CACNA2D3: variants seen among roughly 807,000 people sequenced by gnomAD.
CACNA2D3 encodes calcium voltage-gated channel auxiliary subunit alpha2delta 3, also known as voltage-dependent calcium channel subunit alpha-2/delta-3.
In CACNA2D3, 60 loss-of-function variants were observed where a neutral mutation model predicts 160.6. The observed-to-expected ratio is 0.37, with a 90% confidence interval of 0.30 to 0.46. The LOEUF is 0.46. Among genes scored for constraint, CACNA2D3 ranks in the 20% least tolerant of loss-of-function variants. CACNA2D3 has a pLI of 1.00. For missense variants in CACNA2D3, 1,205 were observed against 1,365.0 expected (o/e 0.88, Z 1.85); for synonymous variants, 558 against 492.9 (o/e 1.13, Z -1.75).
intron 11 of CACNA2D3, among the ~76,000 whole-genome samples, chr3:54,673,888 G>A (rs1700198501): frequency 6.6e-6 from 1 of 152,152 alleles, no homozygotes; most frequent in Admixed American, 6.6e-5. Flanking sequence ...CTGGAATCCA[G>A]CTGCCCCTTC....
At chr3:54,137,144 G>A (rs917513892) in intron 2 of CACNA2D3, among the ~76,000 whole-genome samples, 1 of 152,206 alleles carries the variant, frequency 6.6e-6, no homozygotes, top group Non-Finnish European at 1.5e-5. Context: ...CAGGTCTGAA[G>A]CATGGGCTGG....
intron 11 of CACNA2D3, among the ~76,000 whole-genome samples, chr3:54,695,633 T>C (rs1048836886): frequency 6.6e-6 from 1 of 152,200 alleles, no homozygotes; most frequent in Non-Finnish European, 1.5e-5. Context: ...TTAGCCAACA[T>C]GATAACAGAA....
At position 54,652,140 on chromosome 3, in the gene CACNA2D3, A is replaced by AG. The variant is rs374815703; in HGVS notation, c.1167+9900dup. Among the ~76,000 whole-genome samples, 702 of 151,826 alleles carry AG rather than the reference A, an allele frequency of 4.6e-3. 1 individual carries two copies. Among genetic ancestry groups the AG allele is most frequent in the Middle Eastern group, 0.014 (4 of 292 alleles). ...AAAATAAATGCTCCACCCACCCCCTAGCCTCCACACGACCGTCACTCTGGC... is the reference window on the plus strand; with the variant it reads ...AAAATAAATGCTCCACCCACCCCCTAGGCCTCCACACGACCGTCACTCTGGC... On this transcript the variant is annotated intron_variant, in intron 11 of 37. Transcript: ENST00000474759.
chr3:54,366,994 C>T (rs1176918602), intron 3 of CACNA2D3, among the ~76,000 whole-genome samples: 1 of 152,190 alleles, frequency 6.6e-6, no homozygotes, highest in Non-Finnish European at 1.5e-5. Context: ...ACACATTTTG[C>T]ACATAAATGT....
intron 2 of CACNA2D3, among the ~76,000 whole-genome samples, chr3:54,268,362 T>G (rs1416348932): frequency 6.6e-6 from 1 of 152,184 alleles, no homozygotes; most frequent in Admixed American, 6.5e-5. Flanking sequence ...CCAATCTCAT[T>G]GTGCCTCACT....
chr3:54,891,397 C>A lies in CACNA2D3; in HGVS notation c.2193C>A (p.Arg731=), dbSNP rs966035712. 6.2e-7 allele frequency: 1 copy of A among 1,613,934 alleles called. No homozygotes were observed. The highest frequency in any genetic ancestry group is 8.5e-7 in the Non-Finnish European group (1 of 1,179,864). The change falls in exon 25 of 38, where the codon CGC becomes CGA. Residue 731 remains arginine (R), a synonymous_variant. Coordinates refer to ENST00000474759, the MANE Select transcript of CACNA2D3 (RefSeq NM_018398.3). The part of the protein sequence containing the change: ...KGVEVAFLGT[R]TGLSRINLFV... ...TGGAGGTTGCCTTCCTCGGCACTCG[C>A]ACGGGCCTCTCCAGAATCAACCTGT... is the stretch of plus-strand genomic sequence containing the variant.
In CACNA2D3 at chr3:54,484,649, G is replaced by T. The variant is rs568472866; in HGVS notation, c.382-18843G>T. 1.2e-4 allele frequency among the ~76,000 whole-genome samples: 18 copies of T among 152,250 alleles called. 1 individual carries two copies. Among genetic ancestry groups the T allele is most frequent in the Middle Eastern group, 3.4e-3 (1 of 294 alleles). ...AAATGGCAATAATAATCATGATAAT[G>T]AGGCCACATATTCTGTGTCTATCTT... On this transcript the variant is annotated intron_variant, in intron 4 of 37. Transcript: ENST00000474759.
rs145402534 is a variant in CACNA2D3 at position 54,973,060 on chromosome 3, A to T, written c.2556+3216A>T. ...CCTGCAGAGTAAACTGACATGCGGT[A>T]GTCAGCGAAGGCTTCTCTGAGGGGG... On this transcript the variant is annotated intron_variant, in intron 29 of 37. Transcript: ENST00000474759. 2.5e-3 allele frequency among the ~76,000 whole-genome samples: 386 copies of T among 152,248 alleles called. 1 individual carries two copies. Among genetic ancestry groups the T allele is most frequent in the Non-Finnish European group, 4.5e-3 (303 of 68,018 alleles).
chr3:54,505,453 A>G (rs1701354289), intron 5 of CACNA2D3, among the ~76,000 whole-genome samples: 1 of 152,176 alleles, frequency 6.6e-6, no homozygotes, highest in Admixed American at 6.5e-5. Flanking sequence ...GGACTGGGCC[A>G]TATCCTCTAC....
chr3:54,584,194 A>G (rs1702723655), intron 9 of CACNA2D3, among the ~76,000 whole-genome samples: 1 of 152,224 alleles, frequency 6.6e-6, no homozygotes, highest in Non-Finnish European at 1.5e-5. Flanking sequence ...AACTGGGAAA[A>G]TCACAACATG....
At chr3:54,375,968 G>A (rs116140325) in intron 3 of CACNA2D3, among the ~76,000 whole-genome samples, 1,559 of 152,284 alleles carry the variant, frequency 0.01, 27 homozygotes, top group African/African-American at 0.035. Context: ...TGTCATTAAA[G>A]CAAGTGGTCT....
At chr3:54,163,882 G>C (rs373591711) in intron 2 of CACNA2D3, among the ~76,000 whole-genome samples, 5 of 152,284 alleles carry the variant, frequency 3.3e-5, no homozygotes, top group Admixed American at 1.3e-4. Flanking sequence ...TTGCTACACA[G>C]ACCACATGGT....
chr3:54,922,134 G>T (rs546503341), intron 27 of CACNA2D3, among the ~76,000 whole-genome samples: 1 of 152,044 alleles, frequency 6.6e-6, no homozygotes, highest in Non-Finnish European at 1.5e-5. Context: ...GTTGAAATGC[G>T]TCACAGAATC....
At chr3:55,052,746 T>C (rs1420506508) in intron 35 of CACNA2D3, among the ~76,000 whole-genome samples, 2 of 152,156 alleles carry the variant, frequency 1.3e-5, no homozygotes, top group Admixed American at 6.5e-5. Flanking sequence ...TGTCCCTTTT[T>C]ACACTTGTAG....
chr3:54,657,857 C>T (rs940564210), intron 11 of CACNA2D3, among the ~76,000 whole-genome samples: 3 of 151,936 alleles, frequency 2.0e-5, no homozygotes, highest in African/African-American at 4.8e-5. Context: ...GGTGAAACCC[C>T]GTCTCTACTA....
intron 2 of CACNA2D3, among the ~76,000 whole-genome samples, chr3:54,194,532 CTT>C (rs768785396): frequency 6.6e-6 from 1 of 152,160 alleles, no homozygotes; most frequent in Non-Finnish European, 1.5e-5. Flanking sequence ...GTTCCTTCCT[CTT>C]GTCTTGATTA....
chr3:54,814,484 C>T (rs1057480977), intron 13 of CACNA2D3, among the ~76,000 whole-genome samples: 6 of 152,218 alleles, frequency 3.9e-5, no homozygotes, highest in African/African-American at 1.4e-4. Flanking sequence ...TGTTGGGGAG[C>T]CAGCTCCCAG....
chr3:54,387,512 C>T (rs1003363234), intron 4 of CACNA2D3, among the ~76,000 whole-genome samples: 2 of 152,008 alleles, frequency 1.3e-5, no homozygotes, highest in Non-Finnish European at 1.5e-5. Flanking sequence ...ATTAGCTGGG[C>T]GTGGTAGCGC....
At chr3:55,054,016 T>G (rs140345957) in intron 35 of CACNA2D3, among the ~76,000 whole-genome samples, 1 of 151,920 alleles carries the variant, frequency 6.6e-6, no homozygotes, top group East Asian at 1.9e-4. Context: ...ATGATTCCAT[T>G]TTTTTCCTGC....
Sources: allele counts gnomAD v4.1 joint callset (sites outside exome capture counted in the v4.1 genomes callset), GRCh38; gene constraint gnomAD v4.1.1; transcripts MANE v1.5; gene names NCBI Gene and HGNC (gene_info 2026-07-23, HGNC 2026-07-21).